Variants in VCL observed in about 807,000 individuals in gnomAD.
VCL encodes the protein vinculin, also known as epididymis luminal protein 114.
A neutral mutation model predicts 125.7 loss-of-function variants in VCL; 47 were observed. The observed-to-expected ratio is 0.37, with a 90% confidence interval of 0.30 to 0.48. The LOEUF is 0.48. Among genes scored for constraint, VCL ranks in the 20% least tolerant of loss-of-function variants. The pLI is 0.99. For synonymous variants in VCL, 458 were observed against 514.6 expected, an observed-to-expected ratio of 0.89 and a Z score of 1.49; for missense variants, 1,069 against 1,455.5, an observed-to-expected ratio of 0.73 and a Z score of 4.32.
At chr10:74,037,561 G>A (rs1001797825) in intron 1 of VCL, among the ~76,000 whole-genome samples, 10 of 152,290 alleles carry the variant, frequency 6.6e-5, no homozygotes, top group Admixed American at 3.9e-4. Context: ...CCTTCACTTA[G>A]CATACAAAGT....
At chr10:74,027,643 C>CAAAAAA (rs57887979) in intron 1 of VCL, 3 of 76,310 alleles carry the variant, frequency 3.9e-5, no homozygotes, top group Non-Finnish European at 6.9e-5. Flanking sequence ...GAGACTGTCT[C>CAAAAAA]AAAAAAAAAA....
At chr10:74,078,456 A>G (rs1359199775) in intron 6 of VCL, among the ~76,000 whole-genome samples, 1 of 152,188 alleles carries the variant, frequency 6.6e-6, no homozygotes, top group Non-Finnish European at 1.5e-5. Flanking sequence ...TCTATGAGCA[A>G]GTGTTCTAGT....
intron 1 of VCL, among the ~76,000 whole-genome samples, chr10:74,009,671 A>G (rs1591648506): frequency 6.6e-6 from 1 of 151,242 alleles, no homozygotes; most frequent in African/African-American, 2.4e-5. Context: ...AGGCTATGGC[A>G]TGATCTTGAC....
intron 1 of VCL, chr10:74,028,006 T>G (rs1840806568): frequency 6.6e-6 from 1 of 152,224 alleles, no homozygotes; most frequent in Admixed American, 6.5e-5. Context: ...TGTTTTCCTC[T>G]TTATCGGTAT....
At chr10:74,051,759 CATTTGGT>C (rs1208856001) in intron 2 of VCL, among the ~76,000 whole-genome samples, 16 of 152,188 alleles carry the variant, frequency 1.1e-4, no homozygotes, top group African/African-American at 3.6e-4. Flanking sequence ...CAAAAAGAAA[CATTTGGT>C]GATTATGTTG....
At chr10:74,012,551 G>C (rs1375220474) in intron 1 of VCL, among the ~76,000 whole-genome samples, 1 of 152,144 alleles carries the variant, frequency 6.6e-6, no homozygotes, top group Non-Finnish European at 1.5e-5. Flanking sequence ...AAATACAGTG[G>C]TTTTTCTTCT....
intron 2 of VCL, 50 bp from the exon 3 acceptor site, chr10:74,070,620 A>G (rs1365931309): frequency 4.3e-6 from 7 of 1,611,966 alleles, no homozygotes; most frequent in Non-Finnish European, 5.9e-6. Flanking sequence ...TGCATATGGT[A>G]TTCTTCTGTG....
intron 5 of VCL, among the ~76,000 whole-genome samples, chr10:74,074,358 C>A (rs1294147565): frequency 6.6e-6 from 1 of 152,090 alleles, no homozygotes; most frequent in Non-Finnish European, 1.5e-5. Context: ...GCAGGATACG[C>A]CATTCAGAGT....
At position 74,089,220 on chromosome 10, in the gene VCL, C is replaced by A; in HGVS notation, c.1047C>A (p.Ala349=). 3 of 1,614,096 alleles carry A rather than the reference C, an allele frequency of 1.9e-6. No homozygotes were observed. Among genetic ancestry groups the A allele is most frequent in the Non-Finnish European group, 2.5e-6 (3 of 1,180,014 alleles). ...RARGQGSSPV[A]MQKAQQVSQG... is the part of the protein sequence containing the mutation. The stretch of plus-strand genomic sequence containing the variant: ...GAGGACAAGGATCCTCACCGGTGGC[C>A]ATGCAGAAAGCTCAGCAGGTATCTC... Residue 349 remains alanine, a synonymous_variant, in exon 9 of 22, where the codon GCC becomes GCA. Transcript: ENST00000211998.
chr10:74,037,952 C>T (rs1413134627), intron 1 of VCL, among the ~76,000 whole-genome samples: 2 of 151,746 alleles, frequency 1.3e-5, no homozygotes, highest in Non-Finnish European at 2.9e-5. Flanking sequence ...AAATTCAGTT[C>T]TTCAGTTATA....
At position 74,071,039 on chromosome 10, in the gene VCL, A is replaced by G. The variant is rs751528827; in HGVS notation, c.455A>G (p.Glu152Gly). The part of the protein sequence containing the change: ...LEYLTVAEVV[E>G]TMEDLVTYTK... Reference sequence around the variant, plus strand: ...TATCTTACAGTGGCAGAGGTGGTGGAGACTATGGAAGATTTGGTCACTTAC... The same window carrying G: ...TATCTTACAGTGGCAGAGGTGGTGGGGACTATGGAAGATTTGGTCACTTAC... The change falls in exon 4 of 22, where the codon GAG (glutamate) becomes GGG (glycine). Residue 152 changes from glutamate (E) to glycine (G), a missense_variant. By Grantham distance (98) the Glu-to-Gly change is moderately conservative. Coordinates refer to ENST00000211998, the MANE Select transcript of VCL (RefSeq NM_014000.3). The surrounding 1 kb of genome is among the most constrained non-coding windows in gnomAD (Gnocchi z 4.1). 1.4e-5 allele frequency: 23 copies of G among 1,614,040 alleles called. No individual in the cohort carries two copies. The highest frequency in any genetic ancestry group is 1.9e-5 in the Non-Finnish European group (23 of 1,180,024).
intron 2 of VCL, among the ~76,000 whole-genome samples, chr10:74,063,197 C>T (rs1228139314): frequency 1.3e-5 from 2 of 152,150 alleles, no homozygotes; most frequent in Non-Finnish European, 2.9e-5. Flanking sequence ...GACACCAGGC[C>T]CGAGGTTGGT....
chr10:74,070,956 C>T lies in VCL; in HGVS notation c.391-19C>T. 6 of 1,613,574 alleles carry T rather than the reference C, an allele frequency of 3.7e-6. No individual in the cohort carries two copies. Among genetic ancestry groups the T allele is most frequent in the Non-Finnish European group, 5.1e-6 (6 of 1,179,554 alleles). ...AGTTGTCCACCCATGTGATTGAATA[C>T]TCTGAAATATTTTTTCAGGTCCGTA... On this transcript the variant is annotated intron_variant, in intron 3 of 21. Coordinates refer to ENST00000211998, the MANE Select transcript of VCL (RefSeq NM_014000.3).
intron 2 of VCL, among the ~76,000 whole-genome samples, chr10:74,059,064 C>T (rs1030180180): frequency 2.6e-5 from 4 of 152,108 alleles, no homozygotes; most frequent in African/African-American, 9.7e-5. Context: ...CATTCCTAAC[C>T]TCTTAGGTAA....
At chr10:74,001,227 T>A (rs1840218060) in intron 1 of VCL, among the ~76,000 whole-genome samples, 2 of 152,238 alleles carry the variant, frequency 1.3e-5, no homozygotes, top group African/African-American at 2.4e-5. Flanking sequence ...TGCTTCACAT[T>A]CTTGGTGCCA....
Position 74,118,340 on chromosome 10 carries a change from C to A in VCL, c.*171C>A. Reference sequence around the variant, plus strand: ...TTAGAAGACATTTATACTCTTTTTTCATGGACACTTTGAAATGTGTTTCTG... The same window carrying A: ...TTAGAAGACATTTATACTCTTTTTTAATGGACACTTTGAAATGTGTTTCTG... On this transcript the variant is annotated 3_prime_UTR_variant, in exon 22 of 22. Transcript: ENST00000211998. 1 of 782,460 alleles carries A rather than the reference C, an allele frequency of 1.3e-6. No individual in the cohort carries two copies. Among genetic ancestry groups the A allele is most frequent in the African/African-American group, 1.7e-5 (1 of 57,792 alleles). The allele number at this position is 782,460 out of a possible 1,614,324, so 48.5% of individuals were successfully genotyped here.
chr10:74,011,069 G>C (rs574978064), intron 1 of VCL, among the ~76,000 whole-genome samples: 1 of 151,696 alleles, frequency 6.6e-6, no homozygotes. Context: ...TACATGGGAG[G>C]CTGAGGCAGG....
chr10:74,111,902 G>A lies in VCL; in HGVS notation c.2746-7G>A, dbSNP rs746463683. ...CCTATTTCTCATCCTTCCCGCCATC[G>A]ACAAAGCCGGGCATCCCAGCCGCTG... is the stretch of plus-strand genomic sequence containing the variant. On this transcript the variant is annotated splice_polypyrimidine_tract_variant and splice_region_variant and intron_variant, in intron 18 of 21. Transcript: ENST00000211998. 10 of 1,614,100 alleles carry A rather than the reference G, an allele frequency of 6.2e-6. No homozygotes were observed. The highest frequency in any genetic ancestry group is 4.4e-5 in the South Asian group (4 of 91,046).
Position 74,097,378 on chromosome 10 carries a change from G to GTA in VCL, c.1872+50_1872+51dup. On this transcript the variant is annotated intron_variant, in intron 13 of 21. Coordinates refer to ENST00000211998, the MANE Select transcript of VCL (RefSeq NM_014000.3). This position sits in a 1 kb window ranked among gnomAD's most constrained non-coding sequence, Gnocchi z 4.1. ...ATTTTTCTGTCAGCCTGTGCTATAG[G>GTA]TATATGTAAAGGTGAAATGTGATTA... The GTA allele has an allele frequency of 6.2e-7, 1 of 1,602,170 alleles. No individual in the cohort carries two copies. Among genetic ancestry groups the GTA allele is most frequent in the African/African-American group, 1.3e-5 (1 of 74,880 alleles).
Sources: gnomAD v4.1 joint callset for allele counts (sites outside exome capture counted in the v4.1 genomes callset) on GRCh38, gnomAD v4.1.1 for gene constraint, Gnocchi (gnomAD v3.1) non-coding constraint, MANE v1.5 for transcripts, NCBI Gene and HGNC (gene_info 2026-07-23, HGNC 2026-07-21) for gene names.